KCNK9: variants seen among roughly 807,000 people sequenced by gnomAD.
KCNK9 encodes potassium channel subfamily K member 9.
Under a neutral mutation model 10.8 loss-of-function variants are expected in KCNK9, and 1 was observed. The ratio of observed to expected loss-of-function variants is 0.09; its 90% CI spans 0.03 to 0.44. KCNK9 has a LOEUF of 0.44. Ranked by LOEUF, KCNK9 falls within the 20% of genes least tolerant of loss-of-function variation. The pLI is 0.97. For missense variants in KCNK9, 303 were observed against 515.0 expected, an observed-to-expected ratio of 0.59 and a Z score of 3.98; for synonymous variants, 231 against 222.7, an observed-to-expected ratio of 1.04 and a Z score of -0.33.
In KCNK9 at chr8:139,629,867, G is replaced by T. The variant is rs374643657; in HGVS notation, c.284-10768C>A. On this transcript the variant is annotated intron_variant, in intron 1 of 1. Transcript: ENST00000520439. Reference sequence around the variant, plus strand: ...TTAACCTCAATTACCTCTCCTAAAGGCCCCATCTCCAAATACGGTCACATT... The same window carrying T: ...TTAACCTCAATTACCTCTCCTAAAGTCCCCATCTCCAAATACGGTCACATT... Among the ~76,000 whole-genome samples the T allele has an allele frequency of 3.5e-4, 54 of 152,204 alleles. 2 individuals are homozygous for T. In the East Asian group the frequency reaches 7.9e-3, roughly 22 times the overall value.
intron 1 of KCNK9, among the ~76,000 whole-genome samples, chr8:139,655,323 C>T (rs957198142): frequency 1.3e-5 from 2 of 152,178 alleles, no homozygotes; most frequent in Non-Finnish European, 2.9e-5. Flanking sequence ...CTTGTAATCA[C>T]GAGGAGCAAA....
intron 1 of KCNK9, among the ~76,000 whole-genome samples, chr8:139,699,755 C>T (rs1329567274): frequency 3.3e-5 from 5 of 152,164 alleles, no homozygotes; most frequent in African/African-American, 4.8e-5. Context: ...TAGGAAGGCT[C>T]GGCCACAGAT....
At chr8:139,682,834 C>A (rs377317621) in intron 1 of KCNK9, among the ~76,000 whole-genome samples, 61 of 152,274 alleles carry the variant, frequency 4.0e-4, no homozygotes, top group South Asian at 2.3e-3. Context: ...GTGACCCCCC[C>A]ACACCCGCCC....
At chr8:139,610,380 C>T (rs1814384078), downstream of KCNK9, among the ~76,000 whole-genome samples, 1 of 152,226 alleles carries the variant, frequency 6.6e-6, no homozygotes, top group African/African-American at 2.4e-5. Context: ...TTCATGAAAT[C>T]AATCAGGAAA....
intron 1 of KCNK9, among the ~76,000 whole-genome samples, chr8:139,657,494 C>A (rs1198262111): frequency 6.6e-6 from 1 of 152,058 alleles, no homozygotes; most frequent in Non-Finnish European, 1.5e-5. Context: ...ACCCTCTCTG[C>A]CTGTGGAGCT....
chr8:139,673,007 C>T (rs1358995045), intron 1 of KCNK9, among the ~76,000 whole-genome samples: 3 of 152,184 alleles, frequency 2.0e-5, no homozygotes, highest in Admixed American at 6.5e-5. Context: ...AAATGAATAA[C>T]CAGAGGCTCA....
chr8:139,684,441 T>G (rs1189987725), intron 1 of KCNK9, among the ~76,000 whole-genome samples: 1 of 152,228 alleles, frequency 6.6e-6, no homozygotes, highest in African/African-American at 2.4e-5. Context: ...TTTTTATGTC[T>G]TTTGTTATAA....
At chr8:139,607,944 T>C (rs1014720049), downstream of KCNK9, among the ~76,000 whole-genome samples, 3 of 152,080 alleles carry the variant, frequency 2.0e-5, no homozygotes, top group Non-Finnish European at 2.9e-5. Context: ...CTATTACAAA[T>C]GAGGAGGGAA....
At chr8:139,648,304 C>T (rs920276998) in intron 1 of KCNK9, among the ~76,000 whole-genome samples, 3 of 152,122 alleles carry the variant, frequency 2.0e-5, no homozygotes, top group Non-Finnish European at 4.4e-5. Flanking sequence ...CGGGGTATTA[C>T]TTTGGAGCCG....
chr8:139,618,434 A>G lies in KCNK9; in HGVS notation c.949T>C (p.Ser317Pro). The G allele has an allele frequency of 6.2e-7, 1 of 1,614,112 alleles. No individual in the cohort carries two copies. The highest frequency in any genetic ancestry group is 8.5e-7 in the Non-Finnish European group (1 of 1,180,026). ...YGGRSVAPQN[S>P]FSAKLAPHYF... The stretch of plus-strand genomic sequence containing the variant: ...TGGGGGGCAAGCTTGGCGCTGAAGG[A>G]GTTCTGCGGTGCCACCGAGCGGCCG... Residue 317 changes from serine (S) to proline (P), a missense_variant, in exon 2 of 2, where the codon TCC (serine) becomes CCC (proline). This residue lies in a region of KCNK9 where 138 missense variants were observed against 161.1 expected (regional missense o/e 0.86). Transcript: ENST00000520439. The surrounding 1 kb of genome is among the most constrained non-coding windows in gnomAD (Gnocchi z 7.9).
rs1563716162 is a variant in KCNK9, at chr8:139,617,427, GTTT to G, written c.*828_*830del. On this transcript the variant is annotated 3_prime_UTR_variant, in exon 2 of 2. Transcript: ENST00000520439. ...TTGGCTTTGGATTATTCCATTTCTAGTTTTTTTGTTGATAGCGCATACCAGTTT... is the reference window on the plus strand; with the variant it reads ...TTGGCTTTGGATTATTCCATTTCTAGTTTTGTTGATAGCGCATACCAGTTT... Among the ~76,000 whole-genome samples the G allele has an allele frequency of 6.6e-6, 1 of 152,136 alleles. No individual in the cohort carries two copies. The highest frequency in any genetic ancestry group is 2.4e-5 in the African/African-American group (1 of 41,436).
At chr8:139,645,195 G>T (rs1815638000) in intron 1 of KCNK9, among the ~76,000 whole-genome samples, 1 of 152,216 alleles carries the variant, frequency 6.6e-6, no homozygotes, top group African/African-American at 2.4e-5. Context: ...TTCTCCAGGT[G>T]CTGTGGGCCC....
intron 1 of KCNK9, among the ~76,000 whole-genome samples, chr8:139,686,232 G>A (rs984204602): frequency 1.3e-5 from 2 of 152,094 alleles, no homozygotes; most frequent in Admixed American, 1.3e-4. Context: ...AACACCAAAA[G>A]CAATGAAAAC....
chr8:139,679,136 AAAC>A (rs1816628023), intron 1 of KCNK9, among the ~76,000 whole-genome samples: 1 of 152,328 alleles, frequency 6.6e-6, no homozygotes, highest in East Asian at 1.9e-4. Context: ...GTTTTATTTA[AAAC>A]AACAACGGGC....
At chr8:139,671,465 C>A (rs1442721294) in intron 1 of KCNK9, among the ~76,000 whole-genome samples, 1 of 152,126 alleles carries the variant, frequency 6.6e-6, no homozygotes, top group South Asian at 2.1e-4. Context: ...GCATTGAGCC[C>A]GTGCCCAAGG....
At chr8:139,697,554 A>T (rs1302803689) in intron 1 of KCNK9, among the ~76,000 whole-genome samples, 1 of 151,892 alleles carries the variant, frequency 6.6e-6, no homozygotes, top group Non-Finnish European at 1.5e-5. Flanking sequence ...GAATGGAGAG[A>T]TGGAGGTGTG....
chr8:139,683,895 G>A (rs976212266), intron 1 of KCNK9, among the ~76,000 whole-genome samples: 31 of 152,216 alleles, frequency 2.0e-4, no homozygotes, highest in African/African-American at 7.5e-4. Flanking sequence ...ATGGGGCACA[G>A]GTGGAAATTG....
At chr8:139,670,177 C>T (rs1212609163) in intron 1 of KCNK9, among the ~76,000 whole-genome samples, 2 of 152,202 alleles carry the variant, frequency 1.3e-5, no homozygotes, top group African/African-American at 2.4e-5. Flanking sequence ...GAACACACAA[C>T]ATTTATCAAT....
At chr8:139,665,214 A>C (rs529207576) in intron 1 of KCNK9, among the ~76,000 whole-genome samples, 47 of 152,298 alleles carry the variant, frequency 3.1e-4, no homozygotes, top group African/African-American at 9.4e-4. Context: ...TCTGAGGGCC[A>C]TCCGGGAGAG....
Sources: gnomAD v4.1 joint callset for allele counts (sites outside exome capture counted in the v4.1 genomes callset) on GRCh38, gnomAD v4.1.1 for gene constraint, gnomAD v4.1.1 regional missense constraint, Gnocchi (gnomAD v3.1) non-coding constraint, MANE v1.5 for transcripts, NCBI Gene and HGNC (gene_info 2026-07-23, HGNC 2026-07-21) for gene names.